Variants in ZDHHC14 observed in about 807,000 individuals in gnomAD.
ZDHHC14 encodes palmitoyltransferase ZDHHC14.
A neutral mutation model predicts 47.7 loss-of-function variants in ZDHHC14; 16 were observed. The ratio of observed to expected loss-of-function variants is 0.34; its 90% CI spans 0.23 to 0.51. ZDHHC14 has a LOEUF of 0.51. Among genes scored for constraint, ZDHHC14 ranks in the 20% least tolerant of loss-of-function variants. The pLI is 0.97. For synonymous variants in ZDHHC14, 293 were observed against 278.9 expected (o/e 1.05, Z -0.50); for missense variants, 515 against 662.5 (o/e 0.78, Z 2.44).
chr6:157,521,120 G>T (rs886383597), intron 1 of ZDHHC14, among the ~76,000 whole-genome samples: 1 of 152,190 alleles, frequency 6.6e-6, no homozygotes, highest in Non-Finnish European at 1.5e-5. Flanking sequence ...TTGAAAGCCG[G>T]CCTGGAGTAC....
intron 1 of ZDHHC14, among the ~76,000 whole-genome samples, chr6:157,413,036 AAGGGAGACTTC>A (rs1252856302): frequency 6.6e-6 from 1 of 152,148 alleles, no homozygotes; most frequent in African/African-American, 2.4e-5. Context: ...CGGCAGATTG[AAGGGAGACTTC>A]AGGAATAGTC....
At chr6:157,515,457 CTTTTTTTTTTT>C (rs1187323622) in intron 1 of ZDHHC14, among the ~76,000 whole-genome samples, 3 of 129,450 alleles carry the variant, frequency 2.3e-5, no homozygotes, top group Admixed American at 7.6e-5. Context: ...TTTTCTTTTT[CTTTTTTTTTTT>C]TTTTTTTTTT....
intron 2 of ZDHHC14, among the ~76,000 whole-genome samples, chr6:157,544,377 G>A (rs1248384193): frequency 6.6e-6 from 1 of 152,222 alleles, no homozygotes; most frequent in Non-Finnish European, 1.5e-5. Flanking sequence ...GCAGGGCACG[G>A]TGGCTCATGC....
At chr6:157,420,414 A>C (rs1778072514) in intron 1 of ZDHHC14, among the ~76,000 whole-genome samples, 1 of 139,594 alleles carries the variant, frequency 7.2e-6, no homozygotes, top group Non-Finnish European at 1.5e-5. Context: ...GGCACTGATG[A>C]AGGAGAGAAG....
chr6:157,549,621 C>T (rs954433047), intron 2 of ZDHHC14, among the ~76,000 whole-genome samples: 10 of 152,188 alleles, frequency 6.6e-5, no homozygotes, highest in East Asian at 3.9e-4. Flanking sequence ...GGTGGCAGCT[C>T]GGGATGTCGA....
intron 1 of ZDHHC14, among the ~76,000 whole-genome samples, chr6:157,541,833 T>C (rs1443194850): frequency 6.6e-6 from 1 of 152,168 alleles, no homozygotes; most frequent in Non-Finnish European, 1.5e-5. Flanking sequence ...TCTCCCTGAC[T>C]CATAACAATC....
In ZDHHC14 at chr6:157,552,340, C is replaced by T. The variant is rs1782267909; in HGVS notation, c.406+9595C>T. Among the ~76,000 whole-genome samples, 3 of 151,934 alleles carry T rather than the reference C, an allele frequency of 2.0e-5. No individual in the cohort carries two copies. The South Asian group carries it at 6.2e-4, about 32-fold the overall frequency. ...AACCCTTCATGCAGAGTCGGCAGGG[C>T]AGGGCAGGCGGCACATTGGGCACAA... On this transcript the variant is annotated intron_variant, in intron 2 of 8. Transcript: ENST00000359775.
intron 3 of ZDHHC14, among the ~76,000 whole-genome samples, chr6:157,603,380 G>A (rs183549612): frequency 1.3e-4 from 20 of 152,328 alleles, no homozygotes; most frequent in East Asian, 3.9e-4. Context: ...ACCAATTCCC[G>A]TAAAGGGGAG....
intron 2 of ZDHHC14, among the ~76,000 whole-genome samples, 181 bp downstream of exon 2, chr6:157,542,926 G>C (rs1267605328): frequency 6.6e-6 from 1 of 152,184 alleles, no homozygotes. Flanking sequence ...TGGGATATAA[G>C]GCTGGAGGGA....
At chr6:157,630,869 C>G (rs748017669) in intron 4 of ZDHHC14, 53 of 150,958 alleles carry the variant, frequency 3.5e-4, no homozygotes, top group South Asian at 1.1e-3. Flanking sequence ...AGCTCACACA[C>G]ACATAGCCTT....
intron 1 of ZDHHC14, among the ~76,000 whole-genome samples, chr6:157,404,632 C>T (rs560941369): frequency 8.5e-5 from 13 of 152,224 alleles, no homozygotes; most frequent in East Asian, 3.9e-4. Flanking sequence ...AGCTGTTGAC[C>T]GTTTCCTAGC....
At chr6:157,553,185 G>C (rs1305930209) in intron 2 of ZDHHC14, among the ~76,000 whole-genome samples, 2 of 152,158 alleles carry the variant, frequency 1.3e-5, no homozygotes, top group Non-Finnish European at 2.9e-5. Context: ...CCAGGCGAAG[G>C]CAGGCCAGGG....
At chr6:157,621,492 T>A (rs1325424851) in intron 3 of ZDHHC14, among the ~76,000 whole-genome samples, 1 of 152,218 alleles carries the variant, frequency 6.6e-6, no homozygotes, top group Non-Finnish European at 1.5e-5. Flanking sequence ...CAAGATGCTC[T>A]TGGGGAACGA....
At chr6:157,514,283 A>G (rs539001492) in intron 1 of ZDHHC14, among the ~76,000 whole-genome samples, 2 of 152,362 alleles carry the variant, frequency 1.3e-5, no homozygotes, top group South Asian at 4.1e-4. Flanking sequence ...CATGCGGCCC[A>G]CACTGTACCG....
rs1480005726 is a variant in ZDHHC14 at position 157,393,556 on chromosome 6, CCTT to C, written c.245+11294_245+11296del. Among the ~76,000 whole-genome samples, 10 of 152,254 alleles carry C rather than the reference CCTT, an allele frequency of 6.6e-5. No individual in the cohort carries two copies. The South Asian group carries it at 2.1e-3, about 32-fold the overall frequency. On this transcript the variant is annotated intron_variant, in intron 1 of 8. Coordinates refer to ENST00000359775, the MANE Select transcript of ZDHHC14 (RefSeq NM_024630.3). ...CTTCTACTTGCTGAGAAATGATTGC[CCTT>C]CTTGTACTGATCATAGAAATAAGTC...
At chr6:157,546,764 G>A (rs1210610988) in intron 2 of ZDHHC14, among the ~76,000 whole-genome samples, 1 of 152,138 alleles carries the variant, frequency 6.6e-6, no homozygotes, top group Non-Finnish European at 1.5e-5. Context: ...GAAATCACAG[G>A]ATCAAAGTGT....
At position 157,605,582 on chromosome 6, in the gene ZDHHC14, A is replaced by G. The variant is rs138661856; in HGVS notation, c.565+12436A>G. On this transcript the variant is annotated intron_variant, in intron 3 of 8. Transcript: ENST00000359775. ...TTGACTCCGATCAGACAGCAAGGTA[A>G]GAACTGGAAGGCAGCCTCCCAGGCC... Among the ~76,000 whole-genome samples the G allele has an allele frequency of 2.6e-4, 39 of 152,332 alleles. No homozygotes were observed. The East Asian group carries it at 6.0e-3, about 23-fold the overall frequency.
chr6:157,494,239 T>C (rs1395988949), intron 1 of ZDHHC14, among the ~76,000 whole-genome samples: 1 of 152,230 alleles, frequency 6.6e-6, no homozygotes, highest in East Asian at 1.9e-4. Context: ...TAACATGCAG[T>C]TGACTGTGAA....
At chr6:157,668,785 T>C (rs930448424) in intron 8 of ZDHHC14, among the ~76,000 whole-genome samples, 3 of 152,216 alleles carry the variant, frequency 2.0e-5, no homozygotes, top group African/African-American at 7.2e-5. Flanking sequence ...CTTCAAGTCC[T>C]TAAGCTTCAC....
Sources: gnomAD v4.1 joint callset for allele counts (sites outside exome capture counted in the v4.1 genomes callset) on GRCh38, gnomAD v4.1.1 for gene constraint, MANE v1.5 for transcripts, NCBI Gene and HGNC (gene_info 2026-07-23, HGNC 2026-07-21) for gene names.